The following NBPF15 variants were observed in gnomAD, a reference collection of about 807,000 sequenced individuals.
NBPF15 encodes the protein NBPF family member NBPF15.
Under a neutral mutation model 62.2 loss-of-function variants are expected in NBPF15, and 74 were observed. That is an observed-to-expected ratio of 1.19 (90% CI 0.99 to 1.44). NBPF15 has a LOEUF of 1.44. NBPF15 is among the 40% of genes most tolerant of loss of function. The probability of loss-of-function intolerance (pLI) is 0.00; values close to 1 mark genes in which losing one functional copy is unlikely to be tolerated. For missense variants in NBPF15, 790 were observed against 550.0 expected, an observed-to-expected ratio of 1.44 and a Z score of -4.36; for synonymous variants, 244 against 209.7, an observed-to-expected ratio of 1.16 and a Z score of -1.41.
intron 3 of NBPF15, among the ~76,000 whole-genome samples, chr1:144,459,045 A>C (rs587615496): frequency 2.0e-4 from 30 of 150,770 alleles, no homozygotes; most frequent in African/African-American, 6.6e-4. Context: ...GTCTGAAAAA[A>C]AAAAAGAAAT....
chr1:144,426,449 G>T lies in NBPF15; in HGVS notation c.1267C>A (p.Leu423Ile). 2 of 794,950 alleles carry T rather than the reference G, an allele frequency of 2.5e-6. No homozygotes were observed. The highest frequency in any genetic ancestry group is 4.6e-6 in the Non-Finnish European group (2 of 435,796). The allele number at this position is 794,950 out of a possible 1,614,324, so 49.2% of individuals were successfully genotyped here. A position where few individuals can be genotyped will look rare whatever the true frequency, so the allele number is the denominator to read the frequency against. ...EEDQDPSCPR[L>I]SRELLDEKEP... The stretch of plus-strand genomic sequence containing the variant: ...TTCTCATCCAGCAGCTCCCTGCTGA[G>T]CCTGGAAAAGTAGGAAAAAGTAAAG... The change falls in exon 18 of 22, where the codon CTC (leucine) becomes ATC (isoleucine). Residue 423 changes from leucine (L) to isoleucine (I), a missense_variant and splice_region_variant. Transcript: ENST00000581897.
intron 3 of NBPF15, among the ~76,000 whole-genome samples, chr1:144,458,806 G>T (rs367787405): frequency 1.3e-4 from 19 of 151,822 alleles, no homozygotes; most frequent in Non-Finnish European, 2.1e-4. Context: ...CTGGGAGGTT[G>T]AAGTGGGAAG....
At position 144,442,102 on chromosome 1, in the gene NBPF15, GTA is replaced by G. The variant is rs1182526404; in HGVS notation, c.-190-1809_-190-1808del. Among the ~76,000 whole-genome samples the G allele has an allele frequency of 3.1e-3, 313 of 100,576 alleles. 14 individuals carry two copies. The highest frequency in any genetic ancestry group is 0.012 in the African/African-American group (299 of 25,234). 66.0% of individuals were successfully genotyped at this position (100,576 alleles called of 152,430 possible). ...TGCAGCAAACAAACATGGCACACGT[GTA>G]TATATATATATAATATATATACACG... On this transcript the variant is annotated intron_variant, in intron 6 of 21. Coordinates refer to ENST00000581897, the MANE Select transcript of NBPF15 (RefSeq NM_001385408.1).
Position 144,423,265 on chromosome 1 carries a change from G to T in NBPF15, c.1770-9C>A, listed in dbSNP as rs781789018. On this transcript the variant is annotated splice_polypyrimidine_tract_variant and intron_variant, in intron 21 of 21. Transcript: ENST00000581897. The stretch of plus-strand genomic sequence containing the variant: ...TCAGCACGCCGTAGAGCCTGGAAAA[G>T]GAGACAAAACTAAAGAAGCAGCCAG... 26 of 1,611,196 alleles carry T rather than the reference G, an allele frequency of 1.6e-5. No individual in the cohort carries two copies. Among genetic ancestry groups the T allele is most frequent in the Admixed American group, 3.3e-5 (2 of 59,908 alleles).
Position 144,435,297 on chromosome 1 carries a change from C to T in NBPF15, c.586G>A (p.Glu196Lys), listed in dbSNP as rs1677374233. The change falls in exon 12 of 22, where the codon GAA (glutamate) becomes AAA (lysine). Residue 196 changes from glutamate to lysine, a missense_variant. Coordinates refer to ENST00000581897, the MANE Select transcript of NBPF15 (RefSeq NM_001385408.1). ...AGTGAGTCCTCAGGGACTTCCTTTT[C>T]TTCAGCCTTCTGCATCTCCCTGATG... ...SAPREMQKAEEKEVPEDSLEE... is the reference protein window; with the variant it reads ...SAPREMQKAEKKEVPEDSLEE... 3 of 1,610,614 alleles carry T rather than the reference C, an allele frequency of 1.9e-6. No homozygotes were observed. The highest frequency in any genetic ancestry group is 2.5e-6 in the Non-Finnish European group (3 of 1,178,626).
chr1:144,448,378 T>C (rs1191108589), intron 6 of NBPF15, among the ~76,000 whole-genome samples: 2 of 152,046 alleles, frequency 1.3e-5, no homozygotes, highest in African/African-American at 4.8e-5. Flanking sequence ...AAGACACTCT[T>C]GGGTTGCTGC....
rs587632677 is a variant in NBPF15, at chr1:144,449,636, C to A, written c.-332-720G>T. 5.5e-4 allele frequency among the ~76,000 whole-genome samples: 84 copies of A among 152,042 alleles called. 1 individual carries two copies. Among genetic ancestry groups the A allele is most frequent in the African/African-American group, 2.0e-3 (82 of 41,472 alleles). On this transcript the variant is annotated intron_variant, in intron 5 of 21. Coordinates refer to ENST00000581897, the MANE Select transcript of NBPF15 (RefSeq NM_001385408.1). ...TTTCAAGAAATGCAGAGCAGAGAGC[C>A]CAGAGGTAAAGACCCACAGGACAGA...
rs1421007965 is a variant in NBPF15 at position 144,456,651 on chromosome 1, A to T, written c.-546T>A. 5 of 1,469,710 alleles carry T rather than the reference A, an allele frequency of 3.4e-6. No homozygotes were observed. The highest frequency in any genetic ancestry group is 2.6e-5 in the East Asian group (1 of 38,766). 91.0% of individuals were successfully genotyped at this position (1,469,710 alleles called of 1,614,324 possible). Reference sequence around the variant, plus strand: ...GGAGAGTCCACTGGAAGCCCTGGACAGTGGGAGTTGGTGGCAGCCCCAGCG... The same window carrying T: ...GGAGAGTCCACTGGAAGCCCTGGACTGTGGGAGTTGGTGGCAGCCCCAGCG... On this transcript the variant is annotated 5_prime_UTR_variant, in exon 4 of 22. Transcript: ENST00000581897.
At position 144,425,115 on chromosome 1, in the gene NBPF15, C is replaced by A. The variant is rs1367397772; in HGVS notation, c.1491-253G>T. Among the ~76,000 whole-genome samples, 10 of 147,406 alleles carry A rather than the reference C, an allele frequency of 6.8e-5. No individual in the cohort carries two copies. In the East Asian group the frequency reaches 1.2e-3, roughly 17 times the overall value. Reference sequence around the variant, plus strand: ...ACACACACACACACAGACACACACACACAGAGAGAGAGAACGAGCTCAGTG... The same window carrying A: ...ACACACACACACACAGACACACACAAACAGAGAGAGAGAACGAGCTCAGTG... On this transcript the variant is annotated intron_variant, in intron 19 of 21. Coordinates refer to ENST00000581897, the MANE Select transcript of NBPF15 (RefSeq NM_001385408.1).
chr1:144,423,615 T>C (rs1419520450), intron 21 of NBPF15, among the ~76,000 whole-genome samples: 3 of 152,008 alleles, frequency 2.0e-5, no homozygotes, highest in African/African-American at 7.3e-5. Context: ...TTCCATAAAA[T>C]ATGCTCAAAA....
intron 3 of NBPF15, among the ~76,000 whole-genome samples, chr1:144,458,047 A>C (rs1339375802): frequency 6.6e-6 from 1 of 150,890 alleles, no homozygotes; most frequent in Non-Finnish European, 1.5e-5. Context: ...TGATCATACC[A>C]CTCCACTCCA....
intron 21 of NBPF15, among the ~76,000 whole-genome samples, chr1:144,423,582 C>A (rs1355504200): frequency 6.6e-6 from 1 of 151,774 alleles, no homozygotes; most frequent in Non-Finnish European, 1.5e-5. Flanking sequence ...ACTGTGATCA[C>A]AAAAAGAGTG....
At chr1:144,424,226 C>A (rs1260678364) in intron 20 of NBPF15, among the ~76,000 whole-genome samples, 4 of 151,960 alleles carry the variant, frequency 2.6e-5, no homozygotes, top group African/African-American at 9.7e-5. Context: ...CAAGTTTGTG[C>A]AAACAGTTAT....
intron 6 of NBPF15, among the ~76,000 whole-genome samples, chr1:144,440,959 C>T (rs1447379582): frequency 1.3e-5 from 2 of 151,892 alleles, no homozygotes; most frequent in African/African-American, 2.4e-5. Context: ...TGAGCCACCG[C>T]ACCCGGCCGA....
intron 6 of NBPF15, among the ~76,000 whole-genome samples, chr1:144,443,566 G>T (rs61812384): frequency 3.3e-5 from 5 of 151,788 alleles, no homozygotes; most frequent in African/African-American, 4.8e-5. Context: ...CAATGAACAT[G>T]ATATATATTT....
chr1:144,421,659 A>T lies in NBPF15; in HGVS notation c.*1354T>A, dbSNP rs1273433601. On this transcript the variant is annotated 3_prime_UTR_variant, in exon 22 of 22. Coordinates refer to ENST00000581897, the MANE Select transcript of NBPF15 (RefSeq NM_001385408.1). The stretch of plus-strand genomic sequence containing the variant: ...TTTGCAGTGTAGAGATATGAATATA[A>T]TAATAGACACAGGCAGGGAGGATTA... 1 of 151,198 alleles carries T rather than the reference A, an allele frequency of 6.6e-6. No homozygotes were observed. The highest frequency in any genetic ancestry group is 2.4e-5 in the African/African-American group (1 of 41,042). The allele number at this position is 151,198 out of a possible 1,614,324, so 9.4% of individuals were successfully genotyped here.
Position 144,440,043 on chromosome 1 carries a change from G to C in NBPF15, c.-35-5C>G. ...CAGAAGAGGTGGAGTCAGGGACTGGGGAGAAGAAACCCAAACATATGATGG... is the reference window on the plus strand; with the variant it reads ...CAGAAGAGGTGGAGTCAGGGACTGGCGAGAAGAAACCCAAACATATGATGG... On this transcript the variant is annotated splice_region_variant and splice_polypyrimidine_tract_variant and intron_variant, in intron 7 of 21. Coordinates refer to ENST00000581897, the MANE Select transcript of NBPF15 (RefSeq NM_001385408.1). 2 of 1,589,540 alleles carry C rather than the reference G, an allele frequency of 1.3e-6. No individual in the cohort carries two copies. Among genetic ancestry groups the C allele is most frequent in the Non-Finnish European group, 1.7e-6 (2 of 1,159,466 alleles).
chr1:144,423,042 A>T lies in NBPF15; in HGVS notation c.1984T>A (p.Phe662Ile). Residue 662 changes from phenylalanine (F) to isoleucine (I), a missense_variant, in exon 22 of 22, where the codon TTC (phenylalanine) becomes ATC (isoleucine). Coordinates refer to ENST00000581897, the MANE Select transcript of NBPF15 (RefSeq NM_001385408.1). ...TLTVTSLHLV[F>I]QMGVIFPQ is the part of the protein sequence containing the mutation. Reference sequence around the variant, plus strand: ...TGTGGGAATATGACTCCCATCTGGAACACCAGGTGGAGACTTGTCACCGTC... The same window carrying T: ...TGTGGGAATATGACTCCCATCTGGATCACCAGGTGGAGACTTGTCACCGTC... The T allele has an allele frequency of 6.2e-7, 1 of 1,611,652 alleles. No individual in the cohort carries two copies. The highest frequency in any genetic ancestry group is 1.7e-5 in the Admixed American group (1 of 59,966).
At chr1:144,438,959 C>T (rs1680800826) in intron 8 of NBPF15, among the ~76,000 whole-genome samples, 1 of 151,724 alleles carries the variant, frequency 6.6e-6, no homozygotes, top group Non-Finnish European at 1.5e-5. Context: ...CTACTCTCTG[C>T]TTTTTATTCT....
Sources: gnomAD v4.1 joint callset for allele counts (sites outside exome capture counted in the v4.1 genomes callset) on GRCh38, gnomAD v4.1.1 for gene constraint, MANE v1.5 for transcripts, NCBI Gene and HGNC (gene_info 2026-07-23, HGNC 2026-07-21) for gene names.